DRC1: variants seen among roughly 807,000 people sequenced by gnomAD.
DRC1 encodes the protein dynein regulatory complex subunit 1, also known as dynein regulatory complex protein 1.
A neutral mutation model predicts 98.7 loss-of-function variants in DRC1; 74 were observed. The ratio of observed to expected loss-of-function variants is 0.75; its 90% CI spans 0.62 to 0.91. DRC1 has a LOEUF of 0.91. DRC1 is among the 40% of genes least tolerant of loss of function. DRC1 has a pLI of 0.00. For synonymous variants in DRC1, 336 were observed against 334.1 expected (o/e 1.01, Z -0.06); for missense variants, 875 against 886.0 (o/e 0.99, Z 0.16).
intron 8 of DRC1, among the ~76,000 whole-genome samples, 159 bp from the exon 9 acceptor site, chr2:26,444,063 G>A (rs1181431595): frequency 6.6e-6 from 1 of 152,098 alleles, no homozygotes; most frequent in East Asian, 1.9e-4. Flanking sequence ...TCCTTTTGTT[G>A]ATCAAAATGG....
chr2:26,408,296 G>A (rs141316333), intron 1 of DRC1, among the ~76,000 whole-genome samples: 219 of 152,198 alleles, frequency 1.4e-3, no homozygotes, highest in Admixed American at 2.0e-3. Context: ...AGACAGAGGC[G>A]AGGCAAGGAT....
intron 4 of DRC1, among the ~76,000 whole-genome samples, chr2:26,429,203 T>G (rs141438025): frequency 2.3e-3 from 58 of 25,722 alleles, no homozygotes; most frequent in Middle Eastern, 0.056. Flanking sequence ...TTATTATTAT[T>G]ATTATTATTA....
chr2:26,444,475 G>C, intron 9 of DRC1, 119 bp downstream of exon 9: 2 of 1,381,064 alleles, frequency 1.4e-6, no homozygotes, highest in Non-Finnish European at 1.9e-6. Flanking sequence ...GGCTGGACCA[G>C]GCACTAGTTA....
intron 7 of DRC1, among the ~76,000 whole-genome samples, chr2:26,435,517 C>G (rs949095130): frequency 1.3e-5 from 2 of 152,142 alleles, no homozygotes; most frequent in African/African-American, 4.8e-5. Context: ...TATTTCATTA[C>G]CCGGGTAATA....
At chr2:26,411,453 CCAGGCACATTTCAAGTG>C (rs1678606408) in intron 1 of DRC1, among the ~76,000 whole-genome samples, 1 of 152,128 alleles carries the variant, frequency 6.6e-6, no homozygotes, top group South Asian at 2.1e-4. Flanking sequence ...TCAATTTGCA[CCAGGCACATTTCAAGTG>C]CTTTATAGCC....
intron 7 of DRC1, among the ~76,000 whole-genome samples, chr2:26,434,902 A>AG (rs1291566025): frequency 1.3e-5 from 2 of 151,750 alleles, no homozygotes; most frequent in Admixed American, 6.6e-5. Context: ...AAAAAAAAAA[A>AG]AAAGAAAGAA....
chr2:26,412,563 A>G (rs934982441), intron 1 of DRC1, among the ~76,000 whole-genome samples: 4 of 152,006 alleles, frequency 2.6e-5, no homozygotes, highest in Admixed American at 2.0e-4. Flanking sequence ...TATAATCTGG[A>G]ACTTTATCTC....
At chr2:26,420,779 T>TC (rs1663118057) in intron 2 of DRC1, among the ~76,000 whole-genome samples, 1 of 148,614 alleles carries the variant, frequency 6.7e-6, no homozygotes, top group Non-Finnish European at 1.5e-5. Flanking sequence ...TTTTTTTTTT[T>TC]CTGAGATAGG....
chr2:26,441,919 C>A (rs898900113), intron 8 of DRC1, among the ~76,000 whole-genome samples: 1 of 152,198 alleles, frequency 6.6e-6, no homozygotes, highest in African/African-American at 2.4e-5. Flanking sequence ...CTGCTCACCA[C>A]CACCCAGCAT....
In DRC1 at chr2:26,406,042, A is replaced by C. The variant is rs529295817; in HGVS notation, c.155+3898A>C. Among the ~76,000 whole-genome samples, 17 of 152,272 alleles carry C rather than the reference A, an allele frequency of 1.1e-4. No homozygotes were observed. The East Asian group carries it at 3.3e-3, about 29-fold the overall frequency. On this transcript the variant is annotated intron_variant, in intron 1 of 16. Transcript: ENST00000288710. ...CTGTACCATTTCAATGTGCTCTCAAAACAAATGCATGCAGCTGAGTCTGTG... is the reference window on the plus strand; with the variant it reads ...CTGTACCATTTCAATGTGCTCTCAACACAAATGCATGCAGCTGAGTCTGTG...
At chr2:26,437,893 A>G (rs1027126823) in intron 7 of DRC1, among the ~76,000 whole-genome samples, 1 of 151,872 alleles carries the variant, frequency 6.6e-6, no homozygotes, top group African/African-American at 2.4e-5. Flanking sequence ...GTTTGAGACA[A>G]GCCTGGCCAA....
chr2:26,433,521 T>A (rs1394214328), intron 7 of DRC1, among the ~76,000 whole-genome samples: 1 of 152,240 alleles, frequency 6.6e-6, no homozygotes, highest in Non-Finnish European at 1.5e-5. Context: ...ACATGTGATA[T>A]GATTTTACTG....
Position 26,431,598 on chromosome 2 carries a change from C to T in DRC1, c.766-286C>T, listed in dbSNP as rs151214627. Among the ~76,000 whole-genome samples the T allele has an allele frequency of 2.9e-3, 437 of 151,756 alleles. 3 individuals carry two copies. Among genetic ancestry groups the T allele is most frequent in the African/African-American group, 0.01 (416 of 41,284 alleles). On this transcript the variant is annotated intron_variant, in intron 6 of 16. Transcript: ENST00000288710. Reference sequence around the variant, plus strand: ...TAAACATCTGATTTCAGGGTCTGTGCGTAATTTCTTTTCTTTTTTTTTTCA... The same window carrying T: ...TAAACATCTGATTTCAGGGTCTGTGTGTAATTTCTTTTCTTTTTTTTTTCA...
chr2:26,407,367 AACCCC>A (rs1181582176), intron 1 of DRC1, among the ~76,000 whole-genome samples: 53 of 152,232 alleles, frequency 3.5e-4, no homozygotes, highest in Non-Finnish European at 6.3e-4. Flanking sequence ...GAAAGCTGAG[AACCCC>A]CTTGATTTAC....
chr2:26,444,427 T>G, intron 9 of DRC1, 71 bp downstream of exon 9: 11 of 1,560,720 alleles, frequency 7.0e-6, no homozygotes, highest in Non-Finnish European at 9.5e-6. Context: ...TTGTACAAGC[T>G]GTGATTTCGT....
chr2:26,443,365 G>A (rs1301738553), intron 8 of DRC1, among the ~76,000 whole-genome samples: 2 of 152,232 alleles, frequency 1.3e-5, no homozygotes, highest in East Asian at 3.9e-4. Flanking sequence ...CATGCACAGA[G>A]CTCCTGTTAG....
chr2:26,437,210 C>G (rs1341680019), intron 7 of DRC1, among the ~76,000 whole-genome samples: 1 of 152,216 alleles, frequency 6.6e-6, no homozygotes, highest in Non-Finnish European at 1.5e-5. Context: ...CTGGGAGACA[C>G]TCAGGGCCAT....
intron 1 of DRC1, among the ~76,000 whole-genome samples, chr2:26,407,147 C>G (rs1459655125): frequency 3.3e-5 from 5 of 151,884 alleles, no homozygotes. Flanking sequence ...GGTAAAGATG[C>G]GAGATGGAAC....
chr2:26,438,763 C>T (rs1231187984), intron 7 of DRC1, among the ~76,000 whole-genome samples: 1 of 152,174 alleles, frequency 6.6e-6, no homozygotes, highest in Non-Finnish European at 1.5e-5. Context: ...CACTTGGAAT[C>T]ACTTCCTCTG....
Sources: allele counts gnomAD v4.1 joint callset (sites outside exome capture counted in the v4.1 genomes callset), GRCh38; gene constraint gnomAD v4.1.1; transcripts MANE v1.5; gene names NCBI Gene and HGNC (gene_info 2026-07-23, HGNC 2026-07-21).